The following RANBP2 variants were observed in gnomAD, a reference collection of about 807,000 sequenced individuals.
The protein encoded by RANBP2 is E3 SUMO-protein ligase RanBP2.
RANBP2 carries 57 observed loss-of-function variants against 303.6 expected under a neutral mutation model. That is an observed-to-expected ratio of 0.19 (90% CI 0.15 to 0.23). The LOEUF (loss-of-function observed/expected upper bound fraction) is 0.23, where lower values mean the gene tolerates loss of function less well. Ranked by LOEUF, RANBP2 falls within the 10% of genes least tolerant of loss-of-function variation. The pLI, the probability that RANBP2 is intolerant of heterozygous loss-of-function variation, is 1.00. For missense variants in RANBP2, 3,138 were observed against 3,780.8 expected (o/e 0.83, Z 4.46); for synonymous variants, 1,167 against 1,301.5 (o/e 0.90, Z 2.23).
the RANBP2 span, among the ~76,000 whole-genome samples, chr2:109,743,721 G>C: frequency 4.3e-5 from 4 of 93,802 alleles, 1 homozygote; most frequent in Non-Finnish European, 1.1e-4. Flanking sequence ...GAACGATCCT[G>C]TCACTCAGGT....
the RANBP2 span, among the ~76,000 whole-genome samples, chr2:109,639,267 T>A: frequency 6.6e-6 from 1 of 152,204 alleles, no homozygotes; most frequent in Admixed American, 6.5e-5. Flanking sequence ...AAAAGAGAAT[T>A]CCTCTAAAGT....
At chr2:109,698,749 T>C in the RANBP2 span, among the ~76,000 whole-genome samples, 1 of 151,674 alleles carries the variant, frequency 6.6e-6, no homozygotes, top group African/African-American at 2.4e-5. Context: ...CATGCTGGAG[T>C]TTTTTTGCAT....
the RANBP2 span, among the ~76,000 whole-genome samples, chr2:109,048,451 T>C: frequency 5.9e-5 from 9 of 152,176 alleles, no homozygotes; most frequent in Non-Finnish European, 1.3e-4. Flanking sequence ...ATTATATTCA[T>C]GATAAAACAG....
chr2:108,845,873 AT>A, the RANBP2 span, among the ~76,000 whole-genome samples: 3 of 152,120 alleles, frequency 2.0e-5, no homozygotes, highest in Non-Finnish European at 4.4e-5. Flanking sequence ...GCCCAGCCTC[AT>A]TTTATTCTTA....
At chr2:108,990,251 G>A in the RANBP2 span, among the ~76,000 whole-genome samples, 1 of 151,716 alleles carries the variant, frequency 6.6e-6, no homozygotes, top group African/African-American at 2.4e-5. Context: ...CTAACAAGGT[G>A]AAACCCCGTC....
the RANBP2 span, among the ~76,000 whole-genome samples, chr2:109,039,104 A>G: frequency 6.6e-6 from 1 of 152,154 alleles, no homozygotes; most frequent in Admixed American, 6.5e-5. Flanking sequence ...ATCCAATCCA[A>G]TCAATGGAAG....
the RANBP2 span, among the ~76,000 whole-genome samples, chr2:109,490,139 C>T: frequency 6.6e-6 from 1 of 152,210 alleles, no homozygotes; most frequent in African/African-American, 2.4e-5. Context: ...GGTCTCTCAC[C>T]CTTCTACCCA....
the RANBP2 span, among the ~76,000 whole-genome samples, chr2:109,295,327 G>A: frequency 6.6e-6 from 1 of 152,234 alleles, no homozygotes; most frequent in Non-Finnish European, 1.5e-5. Context: ...CCACAGGTCA[G>A]AGAGGTTAAA....
chr2:109,101,135 A>C, the RANBP2 span, among the ~76,000 whole-genome samples: 1 of 152,180 alleles, frequency 6.6e-6, no homozygotes, highest in Non-Finnish European at 1.5e-5. Context: ...GGGAGGCTGC[A>C]GGGAAGTGCA....
At chr2:108,730,428 T>A (rs1241456844) in intron 2 of RANBP2, among the ~76,000 whole-genome samples, 1 of 152,084 alleles carries the variant, frequency 6.6e-6, no homozygotes, top group African/African-American at 2.4e-5. Flanking sequence ...ATGTTTACTA[T>A]AATCACTTCT....
At chr2:109,313,063 C>T in the RANBP2 span, among the ~76,000 whole-genome samples, 5 of 152,180 alleles carry the variant, frequency 3.3e-5, no homozygotes, top group Non-Finnish European at 5.9e-5. Context: ...GACAGGGAAC[C>T]CATGCAATCC....
the RANBP2 span, among the ~76,000 whole-genome samples, chr2:109,756,541 C>T: frequency 7.8e-6 from 1 of 127,710 alleles, no homozygotes; most frequent in Admixed American, 8.4e-5. Context: ...TACCTGTGGT[C>T]ACCACACACC....
At chr2:108,858,138 G>T in the RANBP2 span, among the ~76,000 whole-genome samples, 1 of 152,208 alleles carries the variant, frequency 6.6e-6, no homozygotes, top group Admixed American at 6.5e-5. Context: ...GAGATCAGGA[G>T]TTCAAGGCCA....
At chr2:109,644,140 CAAAAAAAA>C in the RANBP2 span, among the ~76,000 whole-genome samples, 2 of 147,808 alleles carry the variant, frequency 1.4e-5, no homozygotes, top group African/African-American at 5.0e-5. Context: ...AACAAAAAAA[CAAAAAAAA>C]ACTAAAAACT....
chr2:108,785,724 G>A lies in RANBP2; in HGVS notation c.*1823G>A, dbSNP rs554145028. On this transcript the variant is annotated 3_prime_UTR_variant, in exon 29 of 29. Transcript: ENST00000283195. ...AATCACTGATGTGGTCTAAACCCAC[G>A]ATAATATGTATCTTTCCTTTTAAAC... is the stretch of plus-strand genomic sequence containing the variant. The A allele has an allele frequency of 2.6e-5, 4 of 152,266 alleles. No homozygotes were observed. The highest frequency in any genetic ancestry group is 1.9e-4 in the East Asian group (1 of 5,188). The allele number at this position is 152,266 out of a possible 1,614,324, so 9.4% of individuals were successfully genotyped here.
At chr2:109,129,573 C>T in the RANBP2 span, 2 of 1,487,050 alleles carry the variant, frequency 1.3e-6, no homozygotes, top group Admixed American at 4.6e-5. Flanking sequence ...TGTGCGCATC[C>T]AAGGCGGCCG....
chr2:108,854,381 T>C, the RANBP2 span, among the ~76,000 whole-genome samples: 1 of 150,704 alleles, frequency 6.6e-6, no homozygotes, highest in Non-Finnish European at 1.5e-5. Context: ...GTGTGGTATT[T>C]GGAAGGTCTT....
chr2:109,536,060 G>C, the RANBP2 span, among the ~76,000 whole-genome samples: 2 of 127,824 alleles, frequency 1.6e-5, no homozygotes, highest in African/African-American at 5.8e-5. Context: ...GGTGGGGGGG[G>C]GGTCTCTCAT....
the RANBP2 span, among the ~76,000 whole-genome samples, chr2:109,239,480 C>T: frequency 6.6e-6 from 1 of 152,196 alleles, no homozygotes; most frequent in Admixed American, 6.5e-5. Context: ...CTTTTTAGAA[C>T]AAACGGACTA....
Sources: allele counts gnomAD v4.1 joint callset (sites outside exome capture counted in the v4.1 genomes callset), GRCh38; gene constraint gnomAD v4.1.1; transcripts MANE v1.5; gene names NCBI Gene and HGNC (gene_info 2026-07-23, HGNC 2026-07-21).